SMCHD1: variants seen among roughly 807,000 people sequenced by gnomAD.
SMCHD1 encodes the protein structural maintenance of chromosomes flexible hinge domain containing 1, also known as structural maintenance of chromosomes flexible hinge domain-containing protein 1.
SMCHD1 carries 78 observed loss-of-function variants against 254.7 expected under a neutral mutation model. The ratio of observed to expected loss-of-function variants is 0.31; its 90% CI spans 0.26 to 0.37. The LOEUF (loss-of-function observed/expected upper bound fraction) is 0.37. Ranked by LOEUF, SMCHD1 falls within the 10% of genes least tolerant of loss-of-function variation. The pLI, the probability that SMCHD1 is intolerant of heterozygous loss-of-function variation, is 1.00. For missense variants in SMCHD1, 1,840 were observed against 2,408.1 expected, an observed-to-expected ratio of 0.76 and a Z score of 4.94; for synonymous variants, 766 against 794.9, an observed-to-expected ratio of 0.96 and a Z score of 0.61.
chr18:2,774,161 T>C (rs916757846), intron 41 of SMCHD1, among the ~76,000 whole-genome samples: 5 of 152,200 alleles, frequency 3.3e-5, no homozygotes, highest in Non-Finnish European at 7.3e-5. Context: ...TAGTTATACT[T>C]AACATGCCCT....
chr18:2,717,680 A>G (rs900938142), intron 17 of SMCHD1, among the ~76,000 whole-genome samples: 5 of 152,020 alleles, frequency 3.3e-5, no homozygotes, highest in African/African-American at 7.2e-5. Flanking sequence ...TGAATGCACT[A>G]TTGTACTGTT....
In SMCHD1 at chr18:2,666,909, A is replaced by G; in HGVS notation, c.302A>G (p.Gln101Arg). The change falls in exon 3 of 48, where the codon CAG (glutamine) becomes CGG (arginine). Residue 101 changes from glutamine to arginine, a missense_variant. Physicochemically the swap from Gln to Arg is conservative, Grantham distance 43. Transcript: ENST00000320876. ...VKDGVTLYLLQSVNQLLLTAT... is the reference protein window; with the variant it reads ...VKDGVTLYLLRSVNQLLLTAT... ...GATGGAGTCACCTTATACCTGCTAC[A>G]GTCGGTCAATCAGTTACTACTGACA... 1 of 1,613,508 alleles carries G rather than the reference A, an allele frequency of 6.2e-7. No individual in the cohort carries two copies. Among genetic ancestry groups the G allele is most frequent in the Non-Finnish European group, 8.5e-7 (1 of 1,179,626 alleles).
intron 45 of SMCHD1, among the ~76,000 whole-genome samples, chr18:2,795,109 A>G (rs1174073072): frequency 1.3e-5 from 2 of 151,510 alleles, no homozygotes; most frequent in Admixed American, 1.3e-4. Context: ...ACCCAGGCTG[A>G]ATGGCGCAAT....
chr18:2,750,961 T>C (rs2075559106), intron 32 of SMCHD1, among the ~76,000 whole-genome samples: 1 of 152,092 alleles, frequency 6.6e-6, no homozygotes, highest in East Asian at 1.9e-4. Context: ...ATAATGGGAA[T>C]ATTATATATA....
intron 46 of SMCHD1, 70 bp from the exon 47 acceptor site, chr18:2,796,337 C>G: frequency 2.0e-6 from 2 of 1,004,014 alleles, no homozygotes; most frequent in African/African-American, 3.3e-5. Flanking sequence ...ATGACATATT[C>G]ATGTTTGCAT....
At chr18:2,745,413 G>A (rs116148200) in intron 29 of SMCHD1, among the ~76,000 whole-genome samples, 1 of 152,308 alleles carries the variant, frequency 6.6e-6, no homozygotes, top group African/African-American at 2.4e-5. Flanking sequence ...AGGTTAACAT[G>A]CTCATGCCTT....
intron 25 of SMCHD1, among the ~76,000 whole-genome samples, chr18:2,735,831 C>A (rs958746648): frequency 6.6e-6 from 1 of 152,050 alleles, no homozygotes; most frequent in Non-Finnish European, 1.5e-5. Flanking sequence ...CTAGTACTGC[C>A]CAAAGCAATC....
intron 30 of SMCHD1, among the ~76,000 whole-genome samples, chr18:2,749,555 C>T (rs2075532635): frequency 6.6e-6 from 1 of 152,170 alleles, no homozygotes; most frequent in African/African-American, 2.4e-5. Context: ...TTGGTTATCA[C>T]TGTGAATGTA....
intron 29 of SMCHD1, among the ~76,000 whole-genome samples, chr18:2,744,757 A>G (rs2075418116): frequency 6.6e-6 from 1 of 152,190 alleles, no homozygotes; most frequent in Non-Finnish European, 1.5e-5. Context: ...CCTTTGATGG[A>G]ATTCTAGTTT....
At chr18:2,795,545 T>C (rs2076247790) in intron 45 of SMCHD1, among the ~76,000 whole-genome samples, 1 of 152,228 alleles carries the variant, frequency 6.6e-6, no homozygotes, top group South Asian at 2.1e-4. Context: ...TCAGTTTTCA[T>C]TTGGGAAATA....
At chr18:2,771,302 A>G (rs1306948602) in intron 39 of SMCHD1, among the ~76,000 whole-genome samples, 1 of 152,204 alleles carries the variant, frequency 6.6e-6, no homozygotes, top group Non-Finnish European at 1.5e-5. Flanking sequence ...AGTTTGCAGT[A>G]TATCATATCT....
intron 16 of SMCHD1, 62 bp downstream of exon 16, chr18:2,707,707 TA>T: frequency 6.8e-7 from 1 of 1,466,442 alleles, no homozygotes; most frequent in Non-Finnish European, 9.4e-7. Context: ...ACATTTCCAA[TA>T]TGTAAAAGGT....
chr18:2,797,454 G>C (rs1214331464), intron 47 of SMCHD1, among the ~76,000 whole-genome samples: 3 of 152,148 alleles, frequency 2.0e-5, no homozygotes, highest in Non-Finnish European at 4.4e-5. Context: ...TGAAACTATG[G>C]TGTTTGGAAT....
At chr18:2,762,071 A>G (rs773578643) in intron 35 of SMCHD1, 34 bp from the exon 36 acceptor site, 4 of 1,595,852 alleles carry the variant, frequency 2.5e-6, no homozygotes, top group Non-Finnish European at 3.4e-6. Flanking sequence ...GCATCAATAT[A>G]TTGTTAATCA....
intron 25 of SMCHD1, among the ~76,000 whole-genome samples, chr18:2,733,094 C>T (rs564243931): frequency 6.6e-6 from 1 of 152,298 alleles, no homozygotes; most frequent in East Asian, 1.9e-4. Context: ...AGTCTTATTA[C>T]ATAAAGTAGA....
At chr18:2,679,602 T>C (rs1238857606) in intron 5 of SMCHD1, among the ~76,000 whole-genome samples, 2 of 152,164 alleles carry the variant, frequency 1.3e-5, no homozygotes, top group Non-Finnish European at 2.9e-5. Flanking sequence ...TGTTAATCTT[T>C]TTGAGGATCA....
At chr18:2,747,687 G>A (rs2075481929) in intron 30 of SMCHD1, 40 bp downstream of exon 30, 3 of 1,441,332 alleles carry the variant, frequency 2.1e-6, no homozygotes, top group Non-Finnish European at 2.8e-6. Context: ...TTAAAATTCT[G>A]GATTTCATTT....
At chr18:2,673,937 T>A (rs1177068947) in intron 4 of SMCHD1, 78 bp from the exon 5 acceptor site, 1 of 1,412,788 alleles carries the variant, frequency 7.1e-7, no homozygotes, top group Admixed American at 2.6e-5. Context: ...GTTGAATCAT[T>A]TTTTTCATGT....
intron 37 of SMCHD1, among the ~76,000 whole-genome samples, chr18:2,765,491 G>A (rs1313527022): frequency 6.6e-6 from 1 of 152,178 alleles, no homozygotes; most frequent in Non-Finnish European, 1.5e-5. Flanking sequence ...CTGGCCTGAA[G>A]ACTTGTCAAT....
Sources: allele counts gnomAD v4.1 joint callset (sites outside exome capture counted in the v4.1 genomes callset), GRCh38; gene constraint gnomAD v4.1.1; transcripts MANE v1.5; gene names NCBI Gene and HGNC (gene_info 2026-07-23, HGNC 2026-07-21).